The following FBXL13 variants were observed in gnomAD, a reference collection of about 807,000 sequenced individuals.
The protein encoded by FBXL13 is F-box and leucine rich repeat protein 13, also known as F-box and leucine-rich repeat protein 13.
Under a neutral mutation model 83.6 loss-of-function variants are expected in FBXL13, and 67 were observed. That is an observed-to-expected ratio of 0.80 (90% CI 0.66 to 0.98). The LOEUF is 0.98. Among genes scored for constraint, FBXL13 ranks in the 50% least tolerant of loss-of-function variants. The pLI, the probability that FBXL13 is intolerant of heterozygous loss-of-function variation, is 0.00. For synonymous variants in FBXL13, 272 were observed against 299.5 expected (o/e 0.91, Z 0.95); for missense variants, 822 against 866.5 (o/e 0.95, Z 0.64).
chr7:103,060,052 ATATATATATATAC>A (rs1408060712), intron 1 of FBXL13, among the ~76,000 whole-genome samples: 29 of 102,676 alleles, frequency 2.8e-4, no homozygotes, highest in African/African-American at 9.3e-4. Context: ...ATATATATAT[ATATATATATATAC>A]TTTTTTTTTT....
chr7:103,004,302 G>A (rs983462585), intron 6 of FBXL13, among the ~76,000 whole-genome samples: 5 of 152,166 alleles, frequency 3.3e-5, no homozygotes, highest in African/African-American at 1.2e-4. Context: ...GTTTGCCTCA[G>A]TTCTCACAAA....
chr7:102,981,107 G>A (rs1159887000), intron 6 of FBXL13, among the ~76,000 whole-genome samples: 1 of 152,152 alleles, frequency 6.6e-6, no homozygotes, highest in East Asian at 1.9e-4. Flanking sequence ...TACTGTACTT[G>A]TAGGATATTT....
chr7:102,946,833 C>T (rs1441832983), intron 8 of FBXL13, among the ~76,000 whole-genome samples: 1 of 151,966 alleles, frequency 6.6e-6, no homozygotes, highest in Non-Finnish European at 1.5e-5. Flanking sequence ...CACCACCACA[C>T]CCAGCTAATT....
intron 11 of FBXL13, among the ~76,000 whole-genome samples, chr7:102,896,130 C>G (rs1584823278): frequency 6.6e-6 from 1 of 152,130 alleles, no homozygotes; most frequent in Non-Finnish European, 1.5e-5. Context: ...GAAATACTGT[C>G]AAAGGGGCAA....
At chr7:102,951,404 A>AAATAAATAAATAAAT (rs1563139910) in intron 8 of FBXL13, among the ~76,000 whole-genome samples, 112 of 18,946 alleles carry the variant, frequency 5.9e-3, no homozygotes, top group Non-Finnish European at 7.5e-3. Flanking sequence ...AATAAATAAA[A>AAATAAATAAATAAAT]GTTAATTTAA....
At chr7:102,838,012 C>T (rs1330894322) in intron 17 of FBXL13, among the ~76,000 whole-genome samples, 3 of 152,214 alleles carry the variant, frequency 2.0e-5, no homozygotes, top group Non-Finnish European at 2.9e-5. Flanking sequence ...AAGAATGCTT[C>T]TCAGCACAGG....
At chr7:102,988,878 A>G (rs1404453529) in intron 6 of FBXL13, 5 of 152,258 alleles carry the variant, frequency 3.3e-5, no homozygotes, top group African/African-American at 1.2e-4. Flanking sequence ...TTTCTCTCAC[A>G]TTGCTACTTA....
intron 17 of FBXL13, among the ~76,000 whole-genome samples, chr7:102,840,301 T>A (rs867167684): frequency 6.6e-6 from 1 of 152,222 alleles, no homozygotes; most frequent in African/African-American, 2.4e-5. Context: ...TGAACCAGGA[T>A]TGAATTACCC....
At chr7:102,977,828 C>T (rs530770766) in intron 6 of FBXL13, among the ~76,000 whole-genome samples, 1 of 152,250 alleles carries the variant, frequency 6.6e-6, no homozygotes, top group Non-Finnish European at 1.5e-5. Context: ...AACCATCATT[C>T]TCAGCAAACT....
chr7:102,996,315 C>G (rs1352385038), intron 6 of FBXL13, among the ~76,000 whole-genome samples: 1 of 152,126 alleles, frequency 6.6e-6, no homozygotes, highest in African/African-American at 2.4e-5. Flanking sequence ...TTTTTGTTCT[C>G]TGAATTGTTC....
intron 8 of FBXL13, chr7:102,944,091 CTCT>C (rs1398580275): frequency 1.9e-5 from 15 of 769,398 alleles, no homozygotes; most frequent in Non-Finnish European, 2.0e-6. Context: ...GAAAAGAAAT[CTCT>C]TTATTTTCAA....
chr7:102,942,471 G>A (rs1157184577), intron 8 of FBXL13: 2 of 652,568 alleles, frequency 3.1e-6, no homozygotes, highest in African/African-American at 1.9e-5. Context: ...CCTCCTTTAA[G>A]AAACAGACTA....
chr7:102,934,680 G>T, intron 8 of FBXL13: 1 of 1,582,136 alleles, frequency 6.3e-7, no homozygotes, highest in Non-Finnish European at 8.5e-7. Context: ...GACTGCAAAA[G>T]GAAAGGTTTG....
At chr7:103,071,954 G>A (rs1003536485) in intron 1 of FBXL13, among the ~76,000 whole-genome samples, 11 of 151,972 alleles carry the variant, frequency 7.2e-5, no homozygotes, top group Non-Finnish European at 1.5e-4. Flanking sequence ...AGGCTGAGGC[G>A]GGTGGATCAC....
At chr7:103,047,060 T>A (rs773871630) in intron 2 of FBXL13, 1 of 152,214 alleles carries the variant, frequency 6.6e-6, no homozygotes, top group African/African-American at 2.4e-5. Context: ...TACTGTAGCA[T>A]AAAACATGCA....
At chr7:102,995,623 C>G (rs1391003809) in intron 6 of FBXL13, among the ~76,000 whole-genome samples, 1 of 151,248 alleles carries the variant, frequency 6.6e-6, no homozygotes, top group East Asian at 1.9e-4. Context: ...ACTGTCTCTA[C>G]TAAGAATACA....
intron 11 of FBXL13, among the ~76,000 whole-genome samples, chr7:102,909,787 G>A (rs1401898029): frequency 6.6e-6 from 1 of 152,118 alleles, no homozygotes; most frequent in African/African-American, 2.4e-5. Context: ...CTCCCTACTC[G>A]TCCTTCTCCT....
At chr7:102,876,438 G>A (rs1809274830) in intron 16 of FBXL13, among the ~76,000 whole-genome samples, 1 of 152,182 alleles carries the variant, frequency 6.6e-6, no homozygotes, top group African/African-American at 2.4e-5. Context: ...GAAGGGAAGA[G>A]GAGGTCATCT....
chr7:102,814,120 TAAAG>T (rs1346423725), intron 19 of FBXL13, among the ~76,000 whole-genome samples: 2 of 152,088 alleles, frequency 1.3e-5, no homozygotes, highest in African/African-American at 2.4e-5. Flanking sequence ...AACAAGAAAG[TAAAG>T]AATGCATCAG....
Sources: gnomAD v4.1 joint callset for allele counts (sites outside exome capture counted in the v4.1 genomes callset) on GRCh38, gnomAD v4.1.1 for gene constraint, MANE v1.5 for transcripts, NCBI Gene and HGNC (gene_info 2026-07-23, HGNC 2026-07-21) for gene names.